Variants in FOCAD observed in about 807,000 individuals in gnomAD.
FOCAD encodes focadhesin.
Under a neutral mutation model 225.6 loss-of-function variants are expected in FOCAD, and 198 were observed. The observed-to-expected ratio is 0.88, with a 90% CI of 0.78 to 0.99. The LOEUF (loss-of-function observed/expected upper bound fraction) is 0.99, where lower values mean the gene tolerates loss of function less well. Ranked by LOEUF, FOCAD falls within the 50% of genes least tolerant of loss-of-function variation. The pLI is 0.00. For missense variants in FOCAD, 2,713 were observed against 2,123.6 expected (o/e 1.28, Z -5.46); for synonymous variants, 897 against 755.0 (o/e 1.19, Z -3.08).
At chr9:20,918,933 G>A (rs116352876) in intron 24 of FOCAD, among the ~76,000 whole-genome samples, 2,265 of 152,138 alleles carry the variant, frequency 0.015, 43 homozygotes, top group East Asian at 0.044. Context: ...ACCACTGCCC[G>A]CTGCCAGCTT....
At chr9:20,887,368 G>T (rs1313686890) in intron 21 of FOCAD, among the ~76,000 whole-genome samples, 1 of 151,992 alleles carries the variant, frequency 6.6e-6, no homozygotes, top group East Asian at 1.9e-4. Context: ...CCGAGTAGCT[G>T]GGATTACAGG....
At chr9:20,967,578 T>C (rs1048167688) in intron 35 of FOCAD, among the ~76,000 whole-genome samples, 4 of 152,146 alleles carry the variant, frequency 2.6e-5, no homozygotes, top group Non-Finnish European at 5.9e-5. Flanking sequence ...TTGTTCTTGA[T>C]TGTAGAGAAA....
At chr9:20,724,585 AGTGCTAAGTTTTCCTTATT>A (rs1271195980) in intron 4 of FOCAD, among the ~76,000 whole-genome samples, 1 of 152,206 alleles carries the variant, frequency 6.6e-6, no homozygotes, top group East Asian at 1.9e-4. Flanking sequence ...AAAATATATA[AGTGCTAAGTTTTCCTTATT>A]GTTGCCAGTG....
chr9:20,857,337 AT>A lies in FOCAD; in HGVS notation c.1921-5237del, dbSNP rs569860349. ...TCTTTGGTTAAGTTTATTCCTATGTATTTTATTTTATGTGTAGATATTGTAA... is the reference window on the plus strand; with the variant it reads ...TCTTTGGTTAAGTTTATTCCTATGTATTTATTTTATGTGTAGATATTGTAA... On this transcript the variant is annotated intron_variant, in intron 15 of 43. Transcript: ENST00000338382. 1.5e-4 allele frequency among the ~76,000 whole-genome samples: 22 copies of A among 151,472 alleles called. 1 individual carries two copies. In the South Asian group the frequency reaches 4.2e-3, roughly 29 times the overall value.
chr9:20,742,255 GC>G (rs1827688059), intron 5 of FOCAD, among the ~76,000 whole-genome samples: 1 of 152,140 alleles, frequency 6.6e-6, no homozygotes, highest in Admixed American at 6.5e-5. Context: ...CCGAATCTCC[GC>G]CATGAGGCCT....
At chr9:20,838,524 G>T (rs373430475) in intron 15 of FOCAD, among the ~76,000 whole-genome samples, 1 of 152,060 alleles carries the variant, frequency 6.6e-6, no homozygotes, top group Non-Finnish European at 1.5e-5. Flanking sequence ...AGAATAACAG[G>T]TCAAACAAAG....
rs190174954 is a variant in FOCAD at position 20,990,181 on chromosome 9, C to T, written c.5063C>T (p.Thr1688Ile). 1 of 1,614,096 alleles carries T rather than the reference C, an allele frequency of 6.2e-7. No homozygotes were observed. Among genetic ancestry groups the T allele is most frequent in the Non-Finnish European group, 8.5e-7 (1 of 1,180,036 alleles). The change falls in exon 42 of 44, where the codon ACT becomes ATT. Residue 1688 changes from threonine (T) to isoleucine (I), a missense_variant. By Grantham distance (89) the Thr-to-Ile change is moderately conservative. Coordinates refer to ENST00000338382, the MANE Select transcript of FOCAD (RefSeq NM_001375567.1). ...GCAGTGGTTGCATGGGCTGACCACA[C>T]TGCCCCTCTCCTCCTCGGCCTCAGT... Reference protein sequence around the residue: ...ATAVVAWADHTAPLLLGLSAS... With the variant: ...ATAVVAWADHIAPLLLGLSAS...
At chr9:20,770,891 A>G (rs1349549314) in intron 8 of FOCAD, among the ~76,000 whole-genome samples, 1 of 152,246 alleles carries the variant, frequency 6.6e-6, no homozygotes, top group African/African-American at 2.4e-5. Flanking sequence ...TTATTCATGC[A>G]GAACATATAG....
chr9:20,662,322 A>G (rs529715631), intron 2 of FOCAD, among the ~76,000 whole-genome samples: 38 of 152,264 alleles, frequency 2.5e-4, no homozygotes, highest in Non-Finnish European at 1.5e-5. Context: ...AGTCTGCACA[A>G]AAGCCTCCAG....
At chr9:20,959,257 T>C (rs1442105669) in intron 35 of FOCAD, among the ~76,000 whole-genome samples, 2 of 152,160 alleles carry the variant, frequency 1.3e-5, no homozygotes, top group Non-Finnish European at 2.9e-5. Flanking sequence ...AGAGATGATA[T>C]CTCATTGTGG....
intron 22 of FOCAD, among the ~76,000 whole-genome samples, chr9:20,909,002 G>A (rs1442192345): frequency 6.6e-6 from 1 of 151,986 alleles, no homozygotes; most frequent in East Asian, 1.9e-4. Flanking sequence ...TGTTCAAAAT[G>A]CTATGGGCAC....
At chr9:20,876,266 C>G (rs1461833541) in intron 19 of FOCAD, among the ~76,000 whole-genome samples, 1 of 152,162 alleles carries the variant, frequency 6.6e-6, no homozygotes, top group African/African-American at 2.4e-5. Flanking sequence ...TAAGGCCTCC[C>G]TGAAGTTAAC....
intron 5 of FOCAD, among the ~76,000 whole-genome samples, chr9:20,753,561 C>G (rs1414208450): frequency 6.6e-6 from 1 of 151,792 alleles, no homozygotes; most frequent in Non-Finnish European, 1.5e-5. Context: ...ATTCGGTTTG[C>G]CAGTATTTTA....
chr9:20,659,440 A>AAGAAAGAAAGAAAGAGAGAAAGAC (rs71334544), intron 2 of FOCAD, among the ~76,000 whole-genome samples: 1 of 145,070 alleles, frequency 6.9e-6, no homozygotes, highest in Non-Finnish European at 1.5e-5. Flanking sequence ...GAAAGAAAGA[A>AAGAAAGAAAGAAAGAGAGAAAGAC]AGACAGACAG....
intron 15 of FOCAD, among the ~76,000 whole-genome samples, chr9:20,831,163 A>T (rs916545154): frequency 3.3e-5 from 5 of 152,056 alleles, no homozygotes; most frequent in Admixed American, 3.3e-4. Flanking sequence ...TATACAAGGG[A>T]TCCTCTTGAT....
intron 18 of FOCAD, among the ~76,000 whole-genome samples, chr9:20,870,177 GTT>G (rs1829636260): frequency 6.6e-6 from 1 of 152,076 alleles, no homozygotes; most frequent in Non-Finnish European, 1.5e-5. Context: ...GATTTCTAGG[GTT>G]AATTTTAGAA....
At chr9:20,707,919 C>T (rs1366711563) in intron 1 of FOCAD, among the ~76,000 whole-genome samples, 1 of 152,078 alleles carries the variant, frequency 6.6e-6, no homozygotes, top group African/African-American at 2.4e-5. Context: ...ATGAAACAAT[C>T]GAGCTGCCTG....
At chr9:20,940,360 T>A (rs1181184063) in intron 28 of FOCAD, among the ~76,000 whole-genome samples, 1 of 151,660 alleles carries the variant, frequency 6.6e-6, no homozygotes, top group Non-Finnish European at 1.5e-5. Flanking sequence ...AATCATGGCT[T>A]ACTGCAAGTT....
At position 20,929,415 on chromosome 9, in the gene FOCAD, G is replaced by A. The variant is rs866173999; in HGVS notation, c.3136G>A (p.Ala1046Thr). The stretch of plus-strand genomic sequence containing the variant: ...CATTGCCCGTTCTGCTGCCGCCACG[G>A]CTTTGTCTCTCCTTGTGCCAGTTTT... Reference protein sequence around the residue: ...SAIARSAAATALSLLVPVFII... With the variant: ...SAIARSAAATTLSLLVPVFII... The change falls in exon 27 of 44, where the codon GCT becomes ACT. Residue 1046 changes from alanine (A) to threonine (T), a missense_variant. Physicochemically the swap from Ala to Thr is moderately conservative, Grantham distance 58. Transcript: ENST00000338382. 4.3e-6 allele frequency: 7 copies of A among 1,614,052 alleles called. No individual in the cohort carries two copies. The highest frequency in any genetic ancestry group is 1.7e-4 in the Middle Eastern group (1 of 6,060).
Sources: allele counts gnomAD v4.1 joint callset (sites outside exome capture counted in the v4.1 genomes callset), GRCh38; gene constraint gnomAD v4.1.1; transcripts MANE v1.5; gene names NCBI Gene and HGNC (gene_info 2026-07-23, HGNC 2026-07-21).